Variants in DCX observed in about 807,000 individuals in gnomAD.
DCX encodes doublecortin.
Under a neutral mutation model 20.9 loss-of-function variants are expected in DCX, and 4 were observed. The observed-to-expected ratio is 0.19, with a 90% CI of 0.09 to 0.44. The LOEUF (loss-of-function observed/expected upper bound fraction) is 0.44. Among genes scored for constraint, DCX ranks in the 20% least tolerant of loss-of-function variants. The pLI is 0.99. For missense variants in DCX, 133 were observed against 296.9 expected, an observed-to-expected ratio of 0.45 and a Z score of 4.06; for synonymous variants, 103 against 111.4, an observed-to-expected ratio of 0.92 and a Z score of 0.47.
intron 3 of DCX, among the ~76,000 whole-genome samples, chrX:111,400,334 T>C (rs1418670339): frequency 8.9e-6 from 1 of 112,046 alleles, no homozygotes; most frequent in Non-Finnish European, 1.9e-5. Context: ...ATGAAGAACC[T>C]GATTTGGAGG....
chrX:111,320,974 A>T (rs2095085270), intron 5 of DCX, among the ~76,000 whole-genome samples: 1 of 110,649 alleles, frequency 9.0e-6, no homozygotes. Context: ...GCTCTTTAAA[A>T]AATAATAATA....
At chrX:111,308,117 T>C (rs1012045914) in intron 6 of DCX, among the ~76,000 whole-genome samples, 5 of 112,472 alleles carry the variant, frequency 4.4e-5, no homozygotes, top group Non-Finnish European at 9.4e-5. Flanking sequence ...CATTCTGTTT[T>C]TGTTGATTGA....
At position 111,410,279 on chromosome X, in the gene DCX, G is replaced by A; in HGVS notation, c.120C>T (p.Thr40=). ...THSAHCSFYR[T]RTLQALSNEK... ...CATTACTCAGTGCCTGCAAGGTTCTGGTTCGGTAGAAGCTACAGTGGGCGC... is the reference window on the plus strand; with the variant it reads ...CATTACTCAGTGCCTGCAAGGTTCTAGTTCGGTAGAAGCTACAGTGGGCGC... The change falls in exon 2 of 7, where the codon ACC becomes ACT. Residue 40 remains threonine, a synonymous_variant. Transcript: ENST00000636035. The A allele has an allele frequency of 8.3e-7, 1 of 1,211,629 alleles. No individual in the cohort carries two copies. The highest frequency in any genetic ancestry group is 1.8e-5 in the South Asian group (1 of 56,973).
At chrX:111,351,097 T>G (rs1004852455) in intron 3 of DCX, among the ~76,000 whole-genome samples, 1 of 112,082 alleles carries the variant, frequency 8.9e-6, no homozygotes, top group Admixed American at 9.5e-5. Flanking sequence ...AAGATGGGAT[T>G]TGGGTGAGGA....
At chrX:111,382,817 G>A (rs1420893832) in intron 3 of DCX, among the ~76,000 whole-genome samples, 1 of 111,421 alleles carries the variant, frequency 9.0e-6, no homozygotes, top group Non-Finnish European at 1.9e-5. Flanking sequence ...AGGTGACCAT[G>A]GGCATGCATA....
chrX:111,372,019 A>G (rs935816635), intron 3 of DCX, among the ~76,000 whole-genome samples: 1 of 111,045 alleles, frequency 9.0e-6, no homozygotes, highest in Non-Finnish European at 1.9e-5. Flanking sequence ...AAATGAAGCC[A>G]TGGAGCCTCT....
chrX:111,352,058 C>T (rs901936336), intron 3 of DCX, among the ~76,000 whole-genome samples: 8 of 111,368 alleles, frequency 7.2e-5, no homozygotes, highest in African/African-American at 2.6e-4. Flanking sequence ...GATTTGCCTC[C>T]CTCCAATAAC....
intron 3 of DCX, among the ~76,000 whole-genome samples, chrX:111,391,983 G>A (rs1001336895): frequency 9.0e-6 from 1 of 111,586 alleles, no homozygotes; most frequent in Non-Finnish European, 1.9e-5. Context: ...TGGATTGAAG[G>A]TCCCAACTGT....
intron 5 of DCX, among the ~76,000 whole-genome samples, chrX:111,321,807 A>G (rs188918492): frequency 1.8e-5 from 2 of 112,378 alleles, no homozygotes; most frequent in East Asian, 5.6e-4. Flanking sequence ...AGAGCTGCCT[A>G]GGCAGCAGGT....
chrX:111,344,924 T>A (rs878976591), intron 3 of DCX, among the ~76,000 whole-genome samples: 1 of 112,016 alleles, frequency 8.9e-6, no homozygotes, highest in Non-Finnish European at 1.9e-5. Flanking sequence ...AAGAAGACCC[T>A]GTATAGCCAA....
chrX:111,297,614 G>A lies in DCX; in HGVS notation c.*4073C>T, dbSNP rs2095024374. ...ACTTGTGACTGTGGAGGAGAAGGAG[G>A]AAGGAGAGAGAAGTACCTGAGGAGT... On this transcript the variant is annotated 3_prime_UTR_variant, in exon 7 of 7. Transcript: ENST00000636035. 9.0e-6 allele frequency: 1 copy of A among 111,687 alleles called. No individual in the cohort carries two copies. The highest frequency in any genetic ancestry group is 1.9e-5 in the Non-Finnish European group (1 of 53,150). The allele number at this position is 111,687 out of a possible 1,213,427, so 9.2% of individuals were successfully genotyped here. A position where few individuals can be genotyped will look rare whatever the true frequency, so the allele number is the denominator to read the frequency against.
chrX:111,305,078 T>C (rs1181786107), intron 6 of DCX, among the ~76,000 whole-genome samples: 1 of 111,697 alleles, frequency 9.0e-6, no homozygotes, highest in East Asian at 2.8e-4. Context: ...AAAACTATCC[T>C]ATTCATTCAA....
chrX:111,375,541 C>A (rs1468267927), intron 3 of DCX, among the ~76,000 whole-genome samples: 2 of 111,643 alleles, frequency 1.8e-5, no homozygotes, highest in African/African-American at 6.5e-5. Flanking sequence ...TAATTTGAGT[C>A]CCACTCTAGG....
At chrX:111,319,613 G>T (rs935478370) in intron 5 of DCX, among the ~76,000 whole-genome samples, 1 of 112,259 alleles carries the variant, frequency 8.9e-6, no homozygotes, top group Non-Finnish European at 1.9e-5. Flanking sequence ...TGTAGGAAAT[G>T]AAGGAGTTAA....
At chrX:111,402,442 T>C (rs1252671636) in intron 2 of DCX, among the ~76,000 whole-genome samples, 1 of 111,359 alleles carries the variant, frequency 9.0e-6, no homozygotes, top group Non-Finnish European at 1.9e-5. Context: ...TAGAAGTTCA[T>C]TGAGAGGTTG....
Position 111,294,739 on chromosome X carries a change from C to A in DCX, c.*6948G>T, listed in dbSNP as rs1179253499. On this transcript the variant is annotated 3_prime_UTR_variant, in exon 7 of 7. Transcript: ENST00000636035. ...GAAGGACTACAAAGAAGAATATATT[C>A]TTTTCAGAGGTTAAAACGAGTTAAG... 2 of 111,751 alleles carry A rather than the reference C, an allele frequency of 1.8e-5. No individual in the cohort carries two copies. Among genetic ancestry groups the A allele is most frequent in the Admixed American group, 9.6e-5 (1 of 10,425 alleles). 9.2% of individuals were successfully genotyped at this position (111,751 alleles called of 1,213,427 possible).
intron 3 of DCX, among the ~76,000 whole-genome samples, chrX:111,370,575 G>T (rs1256745876): frequency 9.0e-6 from 1 of 111,421 alleles, no homozygotes; most frequent in East Asian, 2.8e-4. Context: ...TGGGGAGAGG[G>T]ACAGTTCTGT....
chrX:111,293,927 T>C lies in DCX; in HGVS notation c.*7760A>G, dbSNP rs942389672. 8.9e-6 allele frequency: 1 copy of C among 112,665 alleles called. No individual in the cohort carries two copies. Among genetic ancestry groups the C allele is most frequent in the Non-Finnish European group, 1.9e-5 (1 of 53,325 alleles). The allele number at this position is 112,665 out of a possible 1,213,427, so 9.3% of individuals were successfully genotyped here. On this transcript the variant is annotated 3_prime_UTR_variant, in exon 7 of 7. Coordinates refer to ENST00000636035, the MANE Select transcript of DCX (RefSeq NM_001195553.2). ...GCTGCCTGGTATTGAATGCTGCGAA[T>C]CTTCAGCACTCACAGTTCACAGCAC... is the stretch of plus-strand genomic sequence containing the variant.
chrX:111,372,575 A>T (rs1925189003), intron 3 of DCX, among the ~76,000 whole-genome samples: 1 of 111,467 alleles, frequency 9.0e-6, no homozygotes, highest in African/African-American at 3.3e-5. Context: ...CTTATTCCTC[A>T]GTCTCCCCTA....
Sources: gnomAD v4.1 joint callset for allele counts (sites outside exome capture counted in the v4.1 genomes callset) on GRCh38, gnomAD v4.1.1 for gene constraint, MANE v1.5 for transcripts, NCBI Gene and HGNC (gene_info 2026-07-23, HGNC 2026-07-21) for gene names.